The following PAN3 variants were observed in gnomAD, a reference collection of about 807,000 sequenced individuals.
The protein encoded by PAN3 is PAN2-PAN3 deadenylation complex subunit PAN3.
PAN3 carries 19 observed loss-of-function variants against 96.2 expected under a neutral mutation model. The observed-to-expected ratio is 0.20, with a 90% CI of 0.14 to 0.29. The LOEUF (loss-of-function observed/expected upper bound fraction) is 0.29, where lower values mean the gene tolerates loss of function less well. Among genes scored for constraint, PAN3 ranks in the 10% least tolerant of loss-of-function variants. The pLI is 1.00. For missense variants in PAN3, 882 were observed against 1,108.1 expected (o/e 0.80, Z 2.90); for synonymous variants, 433 against 406.6 (o/e 1.06, Z -0.78).
At chr13:28,255,957 A>G (rs1188975433) in intron 6 of PAN3, among the ~76,000 whole-genome samples, 10 of 152,098 alleles carry the variant, frequency 6.6e-5, no homozygotes, top group Non-Finnish European at 1.5e-4. Flanking sequence ...AAGAGCCACA[A>G]TTCTGTTACT....
chr13:28,166,168 T>A (rs1223162954), intron 1 of PAN3, among the ~76,000 whole-genome samples: 1 of 152,172 alleles, frequency 6.6e-6, no homozygotes. Flanking sequence ...AAGGTATTCA[T>A]CCTAAGGCAA....
chr13:28,199,474 C>A (rs969655546), intron 5 of PAN3, among the ~76,000 whole-genome samples: 21 of 152,058 alleles, frequency 1.4e-4, no homozygotes, highest in Admixed American at 4.6e-4. Flanking sequence ...TTTTATACTT[C>A]AGGTAGTTCT....
intron 18 of PAN3, among the ~76,000 whole-genome samples, chr13:28,288,398 C>G (rs556394697): frequency 6.6e-6 from 1 of 152,158 alleles, no homozygotes; most frequent in South Asian, 2.1e-4. Context: ...CTCCCGGGTT[C>G]AAGTGATTCT....
intron 6 of PAN3, among the ~76,000 whole-genome samples, chr13:28,221,364 A>G (rs1215093864): frequency 3.3e-5 from 5 of 151,960 alleles, no homozygotes. Flanking sequence ...AAAAACAGAA[A>G]TAAAATGAAA....
Position 28,138,954 on chromosome 13 carries a change from G to T in PAN3, c.297G>T (p.Pro99=). ...CTGGTGCACCCGTGGCCGGCTTTCC[G>T]CCGGGAGCCGTCGCGGGCGGGGGAG... ...ALAGAPVAGF[P]PGAVAGGGAG... is the part of the protein sequence containing the mutation. Residue 99 remains proline, a synonymous_variant, in exon 1 of 19, where the codon CCG becomes CCT. Transcript: ENST00000380958. 1.5e-6 allele frequency: 2 copies of T among 1,310,406 alleles called. No individual in the cohort carries two copies. The highest frequency in any genetic ancestry group is 1.9e-6 in the Non-Finnish European group (2 of 1,030,664). 81.2% of individuals were successfully genotyped at this position (1,310,406 alleles called of 1,614,324 possible). A position where few individuals can be genotyped will look rare whatever the true frequency, so the allele number is the denominator to read the frequency against.
At chr13:28,269,268 G>A (rs555280483) in intron 12 of PAN3, among the ~76,000 whole-genome samples, 1 of 152,084 alleles carries the variant, frequency 6.6e-6, no homozygotes, top group East Asian at 1.9e-4. Flanking sequence ...TTCTTTTCCA[G>A]TAATTTTTTA....
chr13:28,191,965 C>T (rs1408556105), intron 4 of PAN3, among the ~76,000 whole-genome samples: 1 of 151,638 alleles, frequency 6.6e-6, no homozygotes, highest in Non-Finnish European at 1.5e-5. Context: ...ATCTTGAAGT[C>T]GGCTCAAACA....
chr13:28,270,680 T>C lies in PAN3; in HGVS notation c.1793-21T>C, dbSNP rs756450201. The C allele has an allele frequency of 2.1e-5, 33 of 1,595,532 alleles. No individual in the cohort carries two copies. The Admixed American group carries it at 5.6e-4, about 27-fold the overall frequency. The stretch of plus-strand genomic sequence containing the variant: ...AGTTGATTACTTAAGATGTCATTTT[T>C]TGGATTTCTTTGCTGTATAGGTCAG... On this transcript the variant is annotated intron_variant, in intron 12 of 18. Transcript: ENST00000380958.
intron 6 of PAN3, among the ~76,000 whole-genome samples, chr13:28,230,747 G>A (rs565358039): frequency 6.6e-6 from 1 of 151,514 alleles, no homozygotes; most frequent in Admixed American, 6.6e-5. Flanking sequence ...ACTTTTTTGT[G>A]TGAATTTTTG....
chr13:28,198,252 C>T (rs1397361373), intron 5 of PAN3, among the ~76,000 whole-genome samples: 4 of 151,572 alleles, frequency 2.6e-5, no homozygotes, highest in Admixed American at 2.6e-4. Flanking sequence ...CACCACTGCA[C>T]CCACTCCAGC....
intron 1 of PAN3, among the ~76,000 whole-genome samples, chr13:28,172,812 T>G (rs937780642): frequency 6.6e-6 from 1 of 152,090 alleles, no homozygotes; most frequent in Non-Finnish European, 1.5e-5. Flanking sequence ...ATCCCAACAC[T>G]TATAGAGGCT....
intron 6 of PAN3, among the ~76,000 whole-genome samples, chr13:28,250,704 A>G (rs564277947): frequency 2.9e-4 from 44 of 152,108 alleles, no homozygotes; most frequent in African/African-American, 9.6e-4. Context: ...GGGTTTCACC[A>G]TGTTGCCCAG....
chr13:28,160,520 T>G (rs1259996805), intron 1 of PAN3, among the ~76,000 whole-genome samples: 2 of 152,190 alleles, frequency 1.3e-5, no homozygotes, highest in Admixed American at 1.3e-4. Flanking sequence ...AATAGGCAGT[T>G]GGAAATGTGA....
chr13:28,242,515 AAAG>A (rs1010274864), intron 6 of PAN3, among the ~76,000 whole-genome samples: 2 of 152,248 alleles, frequency 1.3e-5, no homozygotes, highest in South Asian at 2.1e-4. Context: ...TTTGCAGCAA[AAAG>A]AAGAACAAAG....
intron 6 of PAN3, among the ~76,000 whole-genome samples, chr13:28,241,761 GTATT>G (rs1425307202): frequency 1.3e-5 from 2 of 152,158 alleles, no homozygotes; most frequent in Non-Finnish European, 2.9e-5. Context: ...AAATGAATAA[GTATT>G]TGTAGTAGTA....
At chr13:28,182,893 A>G (rs746236399) in intron 4 of PAN3, among the ~76,000 whole-genome samples, 87 of 152,300 alleles carry the variant, frequency 5.7e-4, no homozygotes, top group Non-Finnish European at 1.1e-3. Flanking sequence ...TTTCTGATTA[A>G]CTTGACATTT....
chr13:28,213,165 A>G (rs1880262613), intron 5 of PAN3, among the ~76,000 whole-genome samples: 1 of 152,196 alleles, frequency 6.6e-6, no homozygotes. Context: ...ATCATACTAC[A>G]ATAAAAATAA....
intron 4 of PAN3, among the ~76,000 whole-genome samples, chr13:28,187,640 C>T (rs1031627639): frequency 1.3e-5 from 2 of 152,168 alleles, no homozygotes; most frequent in Admixed American, 6.5e-5. Context: ...TGACTCATAG[C>T]AGAAGCTACA....
intron 6 of PAN3, among the ~76,000 whole-genome samples, chr13:28,222,309 T>G (rs1354120010): frequency 6.6e-6 from 1 of 151,818 alleles, no homozygotes; most frequent in African/African-American, 2.4e-5. Flanking sequence ...ATTAATTAAT[T>G]TAAAAATTAA....
Sources: allele counts gnomAD v4.1 joint callset (sites outside exome capture counted in the v4.1 genomes callset), GRCh38; gene constraint gnomAD v4.1.1; transcripts MANE v1.5; gene names NCBI Gene and HGNC (gene_info 2026-07-23, HGNC 2026-07-21).